The following PELI2 variants were observed in gnomAD, a reference collection of about 807,000 sequenced individuals.
PELI2 encodes the protein E3 ubiquitin-protein ligase pellino homolog 2.
In PELI2, 23 loss-of-function variants were observed where a neutral mutation model predicts 42.3. The ratio of observed to expected loss-of-function variants is 0.54; its 90% CI spans 0.39 to 0.77. PELI2 has a LOEUF of 0.77. Among genes scored for constraint, PELI2 ranks in the 30% least tolerant of loss-of-function variants. The pLI, the probability that PELI2 is intolerant of heterozygous loss-of-function variation, is 0.00. For synonymous variants in PELI2, 245 were observed against 212.2 expected (o/e 1.15, Z -1.34); for missense variants, 463 against 553.2 (o/e 0.84, Z 1.64).
At chr14:56,226,346 AG>A (rs1358458030) in intron 2 of PELI2, among the ~76,000 whole-genome samples, 2 of 152,172 alleles carry the variant, frequency 1.3e-5, no homozygotes, top group Non-Finnish European at 2.9e-5. Context: ...CCAGCCCACC[AG>A]TGCTGCCATC....
intron 2 of PELI2, among the ~76,000 whole-genome samples, chr14:56,205,237 T>C (rs542738403): frequency 6.6e-6 from 1 of 151,752 alleles, no homozygotes; most frequent in African/African-American, 2.4e-5. Flanking sequence ...GACTGTGAGG[T>C]GGGAGGCAGT....
At chr14:56,286,746 TTTG>T (rs967238224) in intron 3 of PELI2, among the ~76,000 whole-genome samples, 245 of 152,222 alleles carry the variant, frequency 1.6e-3, no homozygotes, top group African/African-American at 4.4e-3. Context: ...TGTTGTTTTT[TTTG>T]TTGTTGTTGT....
chr14:56,121,101 A>C (rs1455924203), intron 1 of PELI2, among the ~76,000 whole-genome samples: 2 of 152,202 alleles, frequency 1.3e-5, no homozygotes, highest in African/African-American at 4.8e-5. Context: ...TTATGATATT[A>C]TCTTTATGTC....
chr14:56,230,653 A>G (rs1458358168), intron 2 of PELI2, among the ~76,000 whole-genome samples: 1 of 152,220 alleles, frequency 6.6e-6, no homozygotes, highest in Non-Finnish European at 1.5e-5. Context: ...AACATGCCAA[A>G]TTGTAAAGAC....
chr14:56,136,002 C>G (rs565118112), intron 1 of PELI2, among the ~76,000 whole-genome samples: 16 of 152,232 alleles, frequency 1.1e-4, no homozygotes, highest in Non-Finnish European at 2.2e-4. Flanking sequence ...GTTGATCTTT[C>G]TGAACATTAG....
chr14:56,120,208 T>C (rs1476738590), intron 1 of PELI2, among the ~76,000 whole-genome samples: 2 of 152,246 alleles, frequency 1.3e-5, no homozygotes, highest in African/African-American at 4.8e-5. Flanking sequence ...AGCCGCAGTT[T>C]AGTCTGTCTT....
intron 1 of PELI2, among the ~76,000 whole-genome samples, chr14:56,127,075 CA>C (rs903766416): frequency 6.6e-6 from 1 of 152,104 alleles, no homozygotes; most frequent in African/African-American, 2.4e-5. Flanking sequence ...TCTTAGCTAA[CA>C]AAAGCATTTT....
chr14:56,203,201 A>G (rs1886397929), intron 2 of PELI2, among the ~76,000 whole-genome samples: 1 of 152,258 alleles, frequency 6.6e-6, no homozygotes, highest in African/African-American at 2.4e-5. Flanking sequence ...GCCAGGCATC[A>G]CAGTGGCACA....
rs57251739 is a variant in PELI2, at chr14:56,181,340, CTTTTTTTTTTT to C, written c.207+2888_207+2898del. 3.0e-4 allele frequency among the ~76,000 whole-genome samples: 29 copies of C among 97,102 alleles called. 1 individual carries two copies. Among genetic ancestry groups the C allele is most frequent in the Admixed American group, 2.5e-3 (21 of 8,292 alleles). 63.7% of individuals were successfully genotyped at this position (97,102 alleles called of 152,430 possible). The stretch of plus-strand genomic sequence containing the variant: ...CTGGGCCCTTCCTGACCCTGGTGGA[CTTTTTTTTTTT>C]TTTTTTTTTTTGGTCTTTATTACTC... On this transcript the variant is annotated intron_variant, in intron 2 of 5. Coordinates refer to ENST00000267460, the MANE Select transcript of PELI2 (RefSeq NM_021255.3).
At chr14:56,164,596 T>C (rs1884883716) in intron 1 of PELI2, among the ~76,000 whole-genome samples, 1 of 152,102 alleles carries the variant, frequency 6.6e-6, no homozygotes, top group Non-Finnish European at 1.5e-5. Flanking sequence ...TTTTTTGGAA[T>C]AGTTTGAGTA....
intron 1 of PELI2, among the ~76,000 whole-genome samples, chr14:56,137,735 A>T (rs1330044403): frequency 1.3e-5 from 2 of 152,216 alleles, no homozygotes; most frequent in Non-Finnish European, 2.9e-5. Context: ...TGGATTTAAG[A>T]TGTTAAATTG....
rs567786940 is a variant in PELI2 at position 56,119,565 on chromosome 14, A to G, written c.77+828A>G. ...CGCATCTTGAAGATAGTAATTATGT[A>G]CAATCGTTAAACGGCAGCAATTAGA... On this transcript the variant is annotated intron_variant, in intron 1 of 5. Transcript: ENST00000267460. Among the ~76,000 whole-genome samples the G allele has an allele frequency of 3.3e-5, 5 of 152,290 alleles. No homozygotes were observed. In the East Asian group the frequency reaches 9.7e-4, roughly 29 times the overall value.
intron 2 of PELI2, among the ~76,000 whole-genome samples, chr14:56,223,382 C>T (rs1410045709): frequency 7.2e-5 from 11 of 152,252 alleles, no homozygotes; most frequent in African/African-American, 2.4e-4. Flanking sequence ...TTGACATTCT[C>T]CCCCTTGACT....
Position 56,296,884 on chromosome 14 carries a change from C to T in PELI2, c.981C>T (p.Asp327=). 1 of 1,614,158 alleles carries T rather than the reference C, an allele frequency of 6.2e-7. No individual in the cohort carries two copies. Residue 327 remains aspartate (D), a synonymous_variant, in exon 6 of 6, where the codon GAC becomes GAT. Transcript: ENST00000267460. ...ACCACAACTGGGGCCATCGGAGTGA[C>T]ACGGAGGCCAACGAGAGGGAGTGTC... The part of the protein sequence containing the change: ...HGYHNWGHRS[D]TEANERECPM...
chr14:56,133,734 TCC>T (rs34698364), intron 1 of PELI2, among the ~76,000 whole-genome samples: 2 of 152,152 alleles, frequency 1.3e-5, no homozygotes, highest in African/African-American at 4.8e-5. Flanking sequence ...TCCTGAATCC[TCC>T]CCCTTTTCCC....
rs140677360 is a variant in PELI2 at position 56,133,315 on chromosome 14, C to CT, written c.77+14585dup. Among the ~76,000 whole-genome samples the CT allele has an allele frequency of 6.8e-3, 1,038 of 152,132 alleles. 15 individuals carry two copies. Among genetic ancestry groups the CT allele is most frequent in the African/African-American group, 0.023 (970 of 41,492 alleles). On this transcript the variant is annotated intron_variant, in intron 1 of 5. Coordinates refer to ENST00000267460, the MANE Select transcript of PELI2 (RefSeq NM_021255.3). ...ATGTTAATAGGTGAATACAAGTCTG[C>CT]TTTTTTTCGGCAAGTTGAGGGGGCA...
At chr14:56,149,020 G>C (rs1402768829) in intron 1 of PELI2, among the ~76,000 whole-genome samples, 1 of 152,202 alleles carries the variant, frequency 6.6e-6, no homozygotes, top group Admixed American at 6.5e-5. Flanking sequence ...GATTGAAAGA[G>C]CTTCAGGAGA....
rs3050314 is a variant in PELI2, at chr14:56,219,150, A to ATTTT, written c.207+40692_207+40695dup. On this transcript the variant is annotated intron_variant, in intron 2 of 5. Coordinates refer to ENST00000267460, the MANE Select transcript of PELI2 (RefSeq NM_021255.3). The surrounding 1 kb of genome is among the most constrained non-coding windows in gnomAD (Gnocchi z 4.1). ...ATCCTGGTCTCTTAATTCCTTTTTT[A>ATTTT]TTTTTTTTTGGATGACTTGAGGACA... Among the ~76,000 whole-genome samples, 19 of 150,120 alleles carry ATTTT rather than the reference A, an allele frequency of 1.3e-4. No homozygotes were observed. The East Asian group carries it at 1.8e-3, about 14-fold the overall frequency.
chr14:56,226,023 AACTG>A (rs1395554787), intron 2 of PELI2, among the ~76,000 whole-genome samples: 1 of 152,186 alleles, frequency 6.6e-6, no homozygotes, highest in Non-Finnish European at 1.5e-5. Flanking sequence ...CCAGTGCAGA[AACTG>A]ACTGCCAGAG....
Sources: allele counts gnomAD v4.1 joint callset (sites outside exome capture counted in the v4.1 genomes callset), GRCh38; gene constraint gnomAD v4.1.1; non-coding constraint Gnocchi (gnomAD v3.1); transcripts MANE v1.5; gene names NCBI Gene and HGNC (gene_info 2026-07-23, HGNC 2026-07-21).